Variants in BNC2 observed in about 807,000 individuals in gnomAD.
BNC2 encodes the protein basonuclin zinc finger protein 2, also known as zinc finger protein basonuclin-2.
Under a neutral mutation model 76.3 loss-of-function variants are expected in BNC2, and 20 were observed. The observed-to-expected ratio is 0.26, with a 90% CI of 0.18 to 0.38. The LOEUF (loss-of-function observed/expected upper bound fraction) is 0.38. BNC2 is among the 10% of genes least tolerant of loss of function. The pLI, the probability that BNC2 is intolerant of heterozygous loss-of-function variation, is 1.00. For missense variants in BNC2, 1,382 were observed against 1,399.8 expected (o/e 0.99, Z 0.20); for synonymous variants, 582 against 514.8 (o/e 1.13, Z -1.77).
chr9:16,709,601 T>C (rs551660771), intron 3 of BNC2, among the ~76,000 whole-genome samples: 2 of 152,210 alleles, frequency 1.3e-5, no homozygotes, highest in African/African-American at 4.8e-5. Context: ...TATTTCTTTC[T>C]CAAGAAAAAC....
chr9:16,802,553 G>C (rs779914553), intron 1 of BNC2, among the ~76,000 whole-genome samples: 7 of 152,204 alleles, frequency 4.6e-5, no homozygotes, highest in Non-Finnish European at 8.8e-5. Flanking sequence ...TTCAGCAACA[G>C]AAGCTTCAGG....
At chr9:16,596,717 C>G (rs554667616) in intron 3 of BNC2, among the ~76,000 whole-genome samples, 35 of 152,258 alleles carry the variant, frequency 2.3e-4, no homozygotes, top group Admixed American at 1.4e-3. Context: ...TTTCAGATAA[C>G]TGCAACTTCT....
At chr9:16,719,925 C>T (rs920906221) in intron 3 of BNC2, among the ~76,000 whole-genome samples, 2 of 152,126 alleles carry the variant, frequency 1.3e-5, no homozygotes, top group Non-Finnish European at 2.9e-5. Context: ...GGGAAATAAG[C>T]TCGTGTAGAA....
intron 5 of BNC2, among the ~76,000 whole-genome samples, chr9:16,464,094 C>CAAAAAAAAAAAAAAAAAAAA (rs1324549679): frequency 5.8e-5 from 2 of 34,740 alleles, no homozygotes; most frequent in Non-Finnish European, 8.1e-5. Context: ...ACCCTGTCTC[C>CAAAAAAAAAAAAAAAAAAAA]AAAAAAAAAA....
chr9:16,806,337 T>C (rs1817910526), intron 1 of BNC2, among the ~76,000 whole-genome samples: 1 of 152,046 alleles, frequency 6.6e-6, no homozygotes, highest in African/African-American at 2.4e-5. Flanking sequence ...ACTGCACCCC[T>C]GCCTGGGTGA....
chr9:16,446,731 C>CT (rs1309143958), intron 5 of BNC2, among the ~76,000 whole-genome samples: 1 of 151,848 alleles, frequency 6.6e-6, no homozygotes, highest in African/African-American at 2.4e-5. Context: ...AGTACTATGC[C>CT]TTTTTTCTTC....
chr9:16,760,648 A>G (rs1825526830), intron 1 of BNC2, among the ~76,000 whole-genome samples: 1 of 152,228 alleles, frequency 6.6e-6, no homozygotes, highest in South Asian at 2.1e-4. Flanking sequence ...GTTCTAAGGC[A>G]TCTCTAAGGA....
chr9:16,665,603 T>A (rs1822268232), intron 3 of BNC2, among the ~76,000 whole-genome samples: 1 of 152,210 alleles, frequency 6.6e-6, no homozygotes, highest in Non-Finnish European at 1.5e-5. Context: ...CTACTAAGCA[T>A]GAAAGTGTGT....
intron 5 of BNC2, among the ~76,000 whole-genome samples, chr9:16,448,577 T>C (rs955567000): frequency 6.6e-6 from 1 of 152,060 alleles, no homozygotes; most frequent in Admixed American, 6.6e-5. Context: ...AACATATTCA[T>C]TAGGATGTGA....
intron 5 of BNC2, among the ~76,000 whole-genome samples, chr9:16,539,597 C>A (rs1329514190): frequency 2.0e-5 from 1 of 51,184 alleles, no homozygotes; most frequent in Admixed American, 2.4e-4. Context: ...AGGGAGGGAG[C>A]GAGGGAGGGA....
At chr9:16,685,480 T>C (rs920422689) in intron 3 of BNC2, 24 of 1,041,104 alleles carry the variant, frequency 2.3e-5, no homozygotes, top group East Asian at 1.8e-4. Flanking sequence ...TATACCCAAA[T>C]GGCTTTCCAG....
intron 1 of BNC2, among the ~76,000 whole-genome samples, chr9:16,854,032 G>C (rs1819193889): frequency 6.6e-6 from 1 of 152,178 alleles, no homozygotes; most frequent in African/African-American, 2.4e-5. Flanking sequence ...TCAGACTGGA[G>C]CCTAAGGACA....
At chr9:16,623,492 A>C (rs1046667540) in intron 3 of BNC2, among the ~76,000 whole-genome samples, 4 of 152,218 alleles carry the variant, frequency 2.6e-5, no homozygotes, top group Admixed American at 2.0e-4. Flanking sequence ...TGTCAAAGCT[A>C]AGGAGCCTGC....
At chr9:16,490,271 C>G (rs970598236) in intron 5 of BNC2, among the ~76,000 whole-genome samples, 5 of 151,996 alleles carry the variant, frequency 3.3e-5, no homozygotes, top group South Asian at 2.1e-4. Context: ...ACATGGCAGC[C>G]GCAAGAGAAA....
intron 3 of BNC2, among the ~76,000 whole-genome samples, chr9:16,714,995 G>C (rs1823956236): frequency 6.6e-6 from 1 of 152,080 alleles, no homozygotes; most frequent in Non-Finnish European, 1.5e-5. Flanking sequence ...TGAATTAGTA[G>C]GGGGAAGTTT....
At chr9:16,738,557 A>ATTTT (rs1824748929) in intron 1 of BNC2, 72 bp from the exon 2 acceptor site, 1 of 988,634 alleles carries the variant, frequency 1.0e-6, no homozygotes, top group Admixed American at 3.4e-5. Flanking sequence ...GTACATCAAA[A>ATTTT]CTTTAAGAAA....
chr9:16,425,577 C>T (rs16934641), intron 6 of BNC2, among the ~76,000 whole-genome samples: 14,152 of 152,138 alleles, frequency 0.093, 1,873 homozygotes, highest in African/African-American at 0.3. Flanking sequence ...CTAACTTTGA[C>T]GTGAACGAAA....
At chr9:16,432,964 G>GA (rs1820935286) in intron 6 of BNC2, among the ~76,000 whole-genome samples, 1 of 152,262 alleles carries the variant, frequency 6.6e-6, no homozygotes, top group Admixed American at 6.5e-5. Context: ...GAGGCTTTGT[G>GA]AATAATGAGA....
chr9:16,451,201 T>A (rs1821333278), intron 5 of BNC2, among the ~76,000 whole-genome samples: 1 of 152,252 alleles, frequency 6.6e-6, no homozygotes, highest in South Asian at 2.1e-4. Context: ...TCAAAGAAGG[T>A]AAGCACCAAC....
Sources: gnomAD v4.1 joint callset for allele counts (sites outside exome capture counted in the v4.1 genomes callset) on GRCh38, gnomAD v4.1.1 for gene constraint, MANE v1.5 for transcripts, NCBI Gene and HGNC (gene_info 2026-07-23, HGNC 2026-07-21) for gene names.